SPOCK1: variants seen among roughly 807,000 people sequenced by gnomAD.
The protein encoded by SPOCK1 is testican-1.
SPOCK1 carries 23 observed loss-of-function variants against 55.3 expected under a neutral mutation model. The observed-to-expected ratio is 0.42, with a 90% CI of 0.30 to 0.59. SPOCK1 has a LOEUF of 0.59. Among genes scored for constraint, SPOCK1 ranks in the 20% least tolerant of loss-of-function variants. The pLI is 0.22. For missense variants in SPOCK1, 499 were observed against 552.5 expected (o/e 0.90, Z 0.97); for synonymous variants, 226 against 221.0 (o/e 1.02, Z -0.20).
chr5:137,129,940 T>C (rs921894248), intron 4 of SPOCK1, among the ~76,000 whole-genome samples: 2 of 152,216 alleles, frequency 1.3e-5, no homozygotes, highest in African/African-American at 4.8e-5. Context: ...TTTTGGTCCC[T>C]GAGCAAGGAA....
chr5:137,325,142 G>A (rs1196353070), intron 2 of SPOCK1, among the ~76,000 whole-genome samples: 1 of 152,130 alleles, frequency 6.6e-6, no homozygotes, highest in East Asian at 1.9e-4. Flanking sequence ...GGACAACTGG[G>A]CTAAGAGTTT....
intron 3 of SPOCK1, among the ~76,000 whole-genome samples, chr5:137,253,503 T>C (rs1756577224): frequency 6.6e-6 from 1 of 152,142 alleles, no homozygotes; most frequent in African/African-American, 2.4e-5. Context: ...AATTATCACC[T>C]CTCAACAGTC....
intron 3 of SPOCK1, among the ~76,000 whole-genome samples, chr5:137,164,448 G>A (rs1754612074): frequency 6.6e-6 from 1 of 152,172 alleles, no homozygotes; most frequent in African/African-American, 2.4e-5. Context: ...GTGATAGCCA[G>A]GTAGCTCACT....
At chr5:137,132,020 A>ATATATATATATATATAT (rs1491415264) in intron 4 of SPOCK1, among the ~76,000 whole-genome samples, 3 of 84,278 alleles carry the variant, frequency 3.6e-5, no homozygotes, top group African/African-American at 9.5e-5. Flanking sequence ...ATATATATAT[A>ATATATATATATATATAT]AAAAATTAGC....
chr5:137,492,915 A>C (rs1251177630), intron 2 of SPOCK1, among the ~76,000 whole-genome samples: 1 of 152,228 alleles, frequency 6.6e-6, no homozygotes, highest in Non-Finnish European at 1.5e-5. Flanking sequence ...CCAGAGGTCT[A>C]TTAAACTCTT....
intron 2 of SPOCK1, among the ~76,000 whole-genome samples, chr5:137,484,464 C>A (rs1033129752): frequency 2.6e-5 from 4 of 152,224 alleles, no homozygotes; most frequent in Non-Finnish European, 4.4e-5. Context: ...TCATGCATCA[C>A]CTTACCTGTG....
chr5:137,355,139 A>C (rs1213805175), intron 2 of SPOCK1, among the ~76,000 whole-genome samples: 1 of 151,886 alleles, frequency 6.6e-6, no homozygotes, highest in Non-Finnish European at 1.5e-5. Flanking sequence ...CTAAACTCGC[A>C]ATCCACCCAC....
chr5:137,192,539 G>A (rs1755204413), intron 3 of SPOCK1, among the ~76,000 whole-genome samples: 1 of 152,152 alleles, frequency 6.6e-6, no homozygotes, highest in Admixed American at 6.5e-5. Context: ...GCCTGTGTGG[G>A]CTGTGCAGTC....
intron 3 of SPOCK1, among the ~76,000 whole-genome samples, chr5:137,150,853 T>C (rs1422409451): frequency 6.6e-6 from 1 of 152,162 alleles, no homozygotes; most frequent in East Asian, 1.9e-4. Context: ...GAGCCTCAGA[T>C]GAAGAGGTCA....
intron 2 of SPOCK1, among the ~76,000 whole-genome samples, chr5:137,465,803 A>G (rs1753606842): frequency 6.6e-6 from 1 of 152,226 alleles, no homozygotes; most frequent in Non-Finnish European, 1.5e-5. Context: ...AGAAAAACAG[A>G]CAACAAGAGT....
Position 137,358,310 on chromosome 5 carries a change from A to T in SPOCK1, c.187-91255T>A, listed in dbSNP as rs541684883. Among the ~76,000 whole-genome samples the T allele has an allele frequency of 1.2e-4, 18 of 151,836 alleles. No individual in the cohort carries two copies. The South Asian group carries it at 3.8e-3, about 32-fold the overall frequency. On this transcript the variant is annotated intron_variant, in intron 2 of 10. Transcript: ENST00000394945. ...TCCAACACCACTGCCCAACTCCCAG[A>T]AGAGGACACAGCCTTGACCCAGGGC... is the stretch of plus-strand genomic sequence containing the variant.
intron 2 of SPOCK1, among the ~76,000 whole-genome samples, chr5:137,287,005 T>G (rs1580847833): frequency 6.6e-6 from 1 of 152,220 alleles, no homozygotes; most frequent in Non-Finnish European, 1.5e-5. Context: ...AATATCTTGA[T>G]GTTTATATTC....
intron 3 of SPOCK1, among the ~76,000 whole-genome samples, chr5:137,238,504 A>G (rs1434464083): frequency 9.6e-6 from 1 of 104,082 alleles, no homozygotes; most frequent in Non-Finnish European, 1.9e-5. Flanking sequence ...TGAAGAGCAA[A>G]GCAAAAAAAA....
intron 2 of SPOCK1, among the ~76,000 whole-genome samples, chr5:137,305,924 A>C (rs1757694591): frequency 6.6e-6 from 1 of 152,218 alleles, no homozygotes; most frequent in Admixed American, 6.5e-5. Flanking sequence ...TTTTAACAAC[A>C]ATTAGTTAAG....
chr5:137,333,106 T>G (rs897033310), intron 2 of SPOCK1, among the ~76,000 whole-genome samples: 4 of 152,154 alleles, frequency 2.6e-5, no homozygotes, highest in Non-Finnish European at 4.4e-5. Context: ...GAGTCTGTGG[T>G]TTTTATCACA....
At chr5:137,277,221 C>T (rs1356966970) in intron 2 of SPOCK1, among the ~76,000 whole-genome samples, 1 of 152,002 alleles carries the variant, frequency 6.6e-6, no homozygotes, top group Non-Finnish European at 1.5e-5. Context: ...TGCTATATTG[C>T]CCTGGCTGGT....
chr5:137,361,141 G>A (rs938121011), intron 2 of SPOCK1, among the ~76,000 whole-genome samples: 1 of 152,202 alleles, frequency 6.6e-6, no homozygotes, highest in Non-Finnish European at 1.5e-5. Flanking sequence ...AGAGAAGTTA[G>A]CCATCTGCAA....
chr5:137,357,336 C>A (rs1408460449), intron 2 of SPOCK1, among the ~76,000 whole-genome samples: 2 of 152,180 alleles, frequency 1.3e-5, no homozygotes, highest in African/African-American at 4.8e-5. Flanking sequence ...AGGGAGTTCA[C>A]AGACCAGAAG....
chr5:137,180,120 G>T (rs959383967), intron 3 of SPOCK1, among the ~76,000 whole-genome samples: 1 of 152,134 alleles, frequency 6.6e-6, no homozygotes, highest in Non-Finnish European at 1.5e-5. Flanking sequence ...TCTGGCAGAG[G>T]CAAGCATCCG....
Sources: allele counts gnomAD v4.1 joint callset (sites outside exome capture counted in the v4.1 genomes callset), GRCh38; gene constraint gnomAD v4.1.1; transcripts MANE v1.5; gene names NCBI Gene and HGNC (gene_info 2026-07-23, HGNC 2026-07-21).